The following XPC variants were observed in gnomAD, a reference collection of about 807,000 sequenced individuals.
XPC encodes the protein XPC complex subunit, DNA damage recognition and repair factor.
Under a neutral mutation model 95.8 loss-of-function variants are expected in XPC, and 76 were observed. That is an observed-to-expected ratio of 0.79 (90% CI 0.66 to 0.96). The LOEUF (loss-of-function observed/expected upper bound fraction) is 0.96. XPC is among the 40% of genes least tolerant of loss of function. The probability of loss-of-function intolerance (pLI) is 0.00; values close to 1 mark genes in which losing one functional copy is unlikely to be tolerated. For missense variants in XPC, 1,146 were observed against 1,179.8 expected (o/e 0.97, Z 0.42); for synonymous variants, 442 against 442.1 (o/e 1.00, Z 0.00).
rs115569601 is a variant in XPC, at chr3:14,153,753, A to G, written c.2034-1337T>C. ...TGGGGATCCAACCTCATCCTAAGTC[A>G]AGGAGCATCTGTGTCCTCACCTACC... On this transcript the variant is annotated intron_variant, in intron 10 of 15. Transcript: ENST00000285021. 5.0e-3 allele frequency among the ~76,000 whole-genome samples: 766 copies of G among 152,338 alleles called. 9 individuals carry two copies. The highest frequency in any genetic ancestry group is 0.018 in the African/African-American group (728 of 41,576).
intron 7 of XPC, 165 bp downstream of exon 7, chr3:14,164,648 A>G (rs1165206163): frequency 3.1e-6 from 2 of 647,926 alleles, no homozygotes; most frequent in Non-Finnish European, 5.0e-6. Context: ...AAAAGACCTT[A>G]GAGGCATCAT....
intron 10 of XPC, among the ~76,000 whole-genome samples, chr3:14,154,580 G>A (rs1695825991): frequency 6.6e-6 from 1 of 152,112 alleles, no homozygotes; most frequent in African/African-American, 2.4e-5. Context: ...CCACCTACAT[G>A]GGTCCCTATA....
At chr3:14,159,952 A>G in intron 7 of XPC, 122 bp from the exon 8 acceptor site, 2 of 912,570 alleles carry the variant, frequency 2.2e-6, no homozygotes, top group Non-Finnish European at 3.3e-6. Flanking sequence ...CAGACTGTCT[A>G]ACAGTAGGCG....
chr3:14,160,909 C>T (rs1696143027), intron 7 of XPC, among the ~76,000 whole-genome samples: 1 of 152,168 alleles, frequency 6.6e-6, no homozygotes, highest in Admixed American at 6.5e-5. Context: ...GCCTCGGCTT[C>T]CTCACAGGAC....
intron 8 of XPC, among the ~76,000 whole-genome samples, chr3:14,159,278 C>A (rs936489169): frequency 3.9e-5 from 6 of 152,116 alleles, no homozygotes; most frequent in Admixed American, 3.9e-4. Flanking sequence ...ACGCATTTTG[C>A]AAACAAATAC....
rs773714474 is a variant in XPC, at chr3:14,164,839, C to A, written c.874G>T (p.Ala292Ser). 1 of 1,613,412 alleles carries A rather than the reference C, an allele frequency of 6.2e-7. No homozygotes were observed. Among genetic ancestry groups the A allele is most frequent in the South Asian group, 1.1e-5 (1 of 90,952 alleles). The stretch of plus-strand genomic sequence containing the variant: ...TGGACCAATTCCTCATCATCTCGAG[C>A]AGAGTAAATAGCAAATCTCCTTTCC... Reference protein sequence around the residue: ...TLERRFAIYSARDDEELVHIF... With the variant: ...TLERRFAIYSSRDDEELVHIF... Residue 292 changes from alanine (A) to serine (S), a missense_variant, in exon 7 of 16, where the codon GCT becomes TCT. Transcript: ENST00000285021.
chr3:14,158,862 C>T lies in XPC; in HGVS notation c.1021G>A (p.Ala341Thr). The change falls in exon 9 of 16, where the codon GCG becomes ACG. Residue 341 changes from alanine to threonine, a missense_variant. Ala to Thr is a moderately conservative substitution (Grantham distance 58). Coordinates refer to ENST00000285021, the MANE Select transcript of XPC (RefSeq NM_004628.5). This position sits in a 1 kb window ranked among gnomAD's most constrained non-coding sequence, Gnocchi z 5.2. Reference sequence around the variant, plus strand: ...GTTTCTGAGGAGCCTCCTGGATCCGCAGTCAATCTTTCCTTGGAAGGTTTC... The same window carrying T: ...GTTTCTGAGGAGCCTCCTGGATCCGTAGTCAATCTTTCCTTGGAAGGTTTC... ...GKKPSKERLT[A>T]DPGGSSETSS... The T allele has an allele frequency of 6.2e-7, 1 of 1,613,964 alleles. No homozygotes were observed. The highest frequency in any genetic ancestry group is 2.2e-5 in the East Asian group (1 of 44,870).
At chr3:14,164,069 C>A (rs530588008) in intron 7 of XPC, among the ~76,000 whole-genome samples, 1 of 152,244 alleles carries the variant, frequency 6.6e-6, no homozygotes, top group South Asian at 2.1e-4. Context: ...AACAAACAAA[C>A]AAAAAAATTG....
intron 9 of XPC, among the ~76,000 whole-genome samples, chr3:14,157,118 C>T (rs949158503): frequency 1.1e-4 from 17 of 152,170 alleles, no homozygotes; most frequent in African/African-American, 2.4e-5. Flanking sequence ...GGACGCTGCA[C>T]GTTCAGCTTC....
intron 3 of XPC, 29 bp downstream of exon 3, chr3:14,170,409 A>G (rs1331111086): frequency 1.3e-6 from 2 of 1,593,328 alleles, no homozygotes; most frequent in Non-Finnish European, 1.7e-6. Context: ...AGAACCAAAC[A>G]GTTCTGAAAA....
At chr3:14,171,832 C>G (rs914184216) in intron 2 of XPC, among the ~76,000 whole-genome samples, 3 of 150,850 alleles carry the variant, frequency 2.0e-5, no homozygotes, top group Non-Finnish European at 3.0e-5. Context: ...AGGACGGGAC[C>G]GGGATGGGGA....
intron 7 of XPC, among the ~76,000 whole-genome samples, chr3:14,162,098 TA>T (rs779868738): frequency 6.6e-6 from 1 of 151,846 alleles, no homozygotes; most frequent in African/African-American, 2.4e-5. Context: ...TTAACCAAGG[TA>T]AAAGGCTGTA....
chr3:14,147,234 G>C (rs1035863729), intron 15 of XPC, 56 bp downstream of exon 15: 11 of 1,538,764 alleles, frequency 7.1e-6, no homozygotes, highest in African/African-American at 1.4e-5. Context: ...TTTCTGAGCT[G>C]CATCTCCAAG....
rs1409634099 is a variant in XPC at position 14,148,625 on chromosome 3, A to T, written c.2357T>A (p.Leu786Gln). The T allele has an allele frequency of 1.2e-6, 2 of 1,614,056 alleles. No individual in the cohort carries two copies. Among genetic ancestry groups the T allele is most frequent in the Non-Finnish European group, 1.7e-6 (2 of 1,179,906 alleles). The change falls in exon 13 of 16, where the codon CTG (leucine) becomes CAG (glutamine). Residue 786 changes from leucine to glutamine, a missense_variant. Physicochemically the swap from Leu to Gln is moderately radical, Grantham distance 113 (BLOSUM62 -2). Coordinates refer to ENST00000285021, the MANE Select transcript of XPC (RefSeq NM_004628.5). Reference sequence around the variant, plus strand: ...GATGGCCTGGACACAGTCGATGTCCAGCTTGCGGGCCACGCGGTGTAGATT... The same window carrying T: ...GATGGCCTGGACACAGTCGATGTCCTGCTTGCGGGCCACGCGGTGTAGATT... ...LPNLHRVARKLDIDCVQAITG... is the reference protein window; with the variant it reads ...LPNLHRVARKQDIDCVQAITG...
rs3731140 is a variant in XPC at position 14,156,356 on chromosome 3, C to A, written c.2012G>T (p.Arg671Leu). 6.2e-7 allele frequency: 1 copy of A among 1,613,704 alleles called. No individual in the cohort carries two copies. The highest frequency in any genetic ancestry group is 8.5e-7 in the Non-Finnish European group (1 of 1,179,830). ...GCACCTGGAGTAGACCGCTTCTCCA[C>A]GACAATACCCAAGGATGGCAGCTGT... The part of the protein sequence containing the change: ...PETAAILGYC[R>L]GEAVYSRDCV... The change falls in exon 10 of 16, where the codon CGT becomes CTT. Residue 671 changes from arginine (R) to leucine (L), a missense_variant. By Grantham distance (102) the Arg-to-Leu change is moderately radical (BLOSUM62 -2). Transcript: ENST00000285021.
intron 2 of XPC, 46 bp downstream of exon 2, chr3:14,172,821 G>C: frequency 1.3e-6 from 2 of 1,579,362 alleles, no homozygotes; most frequent in Non-Finnish European, 8.6e-7. Context: ...ACAATTCTCT[G>C]ATGAGAAAAA....
chr3:14,159,878 A>G (rs778062311), intron 7 of XPC, 48 bp from the exon 8 acceptor site: 9 of 1,505,912 alleles, frequency 6.0e-6, no homozygotes, highest in African/African-American at 2.8e-5. Flanking sequence ...GTAATTAAAG[A>G]TGTAATGAGT....
At position 14,158,847 on chromosome 3, in the gene XPC, A is replaced by T. The variant is rs745984531; in HGVS notation, c.1036T>A (p.Ser346Thr). The change falls in exon 9 of 16, where the codon TCC (serine) becomes ACC (threonine). Residue 346 changes from serine (S) to threonine (T), a missense_variant. Transcript: ENST00000285021. This position sits in a 1 kb window ranked among gnomAD's most constrained non-coding sequence, Gnocchi z 5.2. ...AGAACTTGGCTGGAAGTTTCTGAGGAGCCTCCTGGATCCGCAGTCAATCTT... is the reference window on the plus strand; with the variant it reads ...AGAACTTGGCTGGAAGTTTCTGAGGTGCCTCCTGGATCCGCAGTCAATCTT... ...KERLTADPGG[S>T]SETSSQVLEN... The T allele has an allele frequency of 1.8e-5, 29 of 1,613,906 alleles. No homozygotes were observed. Among genetic ancestry groups the T allele is most frequent in the Non-Finnish European group, 2.4e-5 (28 of 1,179,882 alleles).
intron 2 of XPC, among the ~76,000 whole-genome samples, chr3:14,171,806 G>C (rs1044542332): frequency 1.3e-5 from 2 of 152,126 alleles, no homozygotes; most frequent in Non-Finnish European, 2.9e-5. Flanking sequence ...CTGGGCAACA[G>C]AGCGAGACTC....
Sources: gnomAD v4.1 joint callset for allele counts (sites outside exome capture counted in the v4.1 genomes callset) on GRCh38, gnomAD v4.1.1 for gene constraint, Gnocchi (gnomAD v3.1) non-coding constraint, MANE v1.5 for transcripts, NCBI Gene and HGNC (gene_info 2026-07-23, HGNC 2026-07-21) for gene names.